Variants in GRHL1 observed in about 807,000 individuals in gnomAD.
GRHL1 encodes the protein grainyhead-like protein 1 homolog.
Under a neutral mutation model 75.7 loss-of-function variants are expected in GRHL1, and 38 were observed. The ratio of observed to expected loss-of-function variants is 0.50; its 90% confidence interval spans 0.39 to 0.66. The LOEUF (loss-of-function observed/expected upper bound fraction) is 0.66. Among genes scored for constraint, GRHL1 ranks in the 30% least tolerant of loss-of-function variants. GRHL1 has a pLI of 0.00. For missense variants in GRHL1, 589 were observed against 767.5 expected (o/e 0.77, Z 2.75); for synonymous variants, 266 against 279.4 (o/e 0.95, Z 0.48).
At chr2:9,989,939 A>G (rs1549753) in intron 9 of GRHL1, among the ~76,000 whole-genome samples, 40,028 of 151,964 alleles carry the variant, frequency 0.26, 5,625 homozygotes, top group Admixed American at 0.34. Flanking sequence ...CATGGTTGAT[A>G]CCAGGCCCTT....
intron 3 of GRHL1, 49 bp downstream of exon 3, chr2:9,958,905 G>A (rs768274065): frequency 1.6e-5 from 26 of 1,598,406 alleles, no homozygotes; most frequent in South Asian, 1.2e-4. Context: ...GAAATGCCAC[G>A]TTTCTGTAAC....
intron 2 of GRHL1, 96 bp from the exon 3 acceptor site, chr2:9,958,690 A>G: frequency 1.1e-6 from 1 of 890,096 alleles, no homozygotes; most frequent in South Asian, 1.5e-5. Flanking sequence ...AGATAAATGA[A>G]TGATTGAATT....
rs931294925 is a variant in GRHL1 at position 10,002,118 on chromosome 2, G to A, written c.*1411G>A. ...GTTAAAGTATTCTAATGAAGTATGG[G>A]AACTAAATTGCTGGTTTTCTAAGAT... On this transcript the variant is annotated 3_prime_UTR_variant, in exon 16 of 16. Coordinates refer to ENST00000324907, the MANE Select transcript of GRHL1 (RefSeq NM_198182.3). 2.0e-5 allele frequency: 3 copies of A among 152,618 alleles called. No individual in the cohort carries two copies. The highest frequency in any genetic ancestry group is 4.4e-5 in the Non-Finnish European group (3 of 68,032). 9.5% of individuals were successfully genotyped at this position (152,618 alleles called of 1,614,324 possible). A position where few individuals can be genotyped will look rare whatever the true frequency, so the allele number is the denominator to read the frequency against.
intron 2 of GRHL1, among the ~76,000 whole-genome samples, chr2:9,957,598 A>T (rs1667089500): frequency 6.6e-6 from 1 of 151,702 alleles, no homozygotes; most frequent in South Asian, 2.1e-4. Flanking sequence ...TTTAGTAGAG[A>T]CGGGGTTTTA....
chr2:9,958,166 C>A lies in GRHL1; in HGVS notation c.208-620C>A, dbSNP rs912349353. ...GAGTAAAACCAGGGCAGAGGTATTT[C>A]TTTTTTTCTTTTTTTTTTTTTTTTT... On this transcript the variant is annotated intron_variant, in intron 2 of 15. Coordinates refer to ENST00000324907, the MANE Select transcript of GRHL1 (RefSeq NM_198182.3). Among the ~76,000 whole-genome samples, 11 of 136,368 alleles carry A rather than the reference C, an allele frequency of 8.1e-5. No homozygotes were observed. In the East Asian group the frequency reaches 2.0e-3, roughly 25 times the overall value. The allele number at this position is 136,368 out of a possible 152,430, so 89.5% of individuals were successfully genotyped here. A position where few individuals can be genotyped will look rare whatever the true frequency, so the allele number is the denominator to read the frequency against.
In GRHL1 at chr2:9,962,508, C is replaced by T; in HGVS notation, c.723C>T (p.Asp241=). Residue 241 remains aspartate, a synonymous_variant, in exon 5 of 16, where the codon GAC becomes GAT. Transcript: ENST00000324907. The part of the protein sequence containing the change: ...SLRMPGMNSE[D]YVFDSVSGNN... The stretch of plus-strand genomic sequence containing the variant: ...GGATGCCTGGCATGAATTCAGAGGA[C>T]TATGTTTTTGACAGTGTTTCTGGGT... 6.3e-7 allele frequency: 1 copy of T among 1,594,098 alleles called. No homozygotes were observed. The highest frequency in any genetic ancestry group is 8.6e-7 in the Non-Finnish European group (1 of 1,161,724).
chr2:9,979,421 TAGAG>T (rs975906797), intron 8 of GRHL1, among the ~76,000 whole-genome samples: 5 of 152,040 alleles, frequency 3.3e-5, no homozygotes, highest in Non-Finnish European at 7.4e-5. Flanking sequence ...TTTTCTGTTT[TAGAG>T]ACAGGGTCTC....
chr2:9,988,745 C>G (rs968555280), intron 9 of GRHL1, among the ~76,000 whole-genome samples: 4 of 152,172 alleles, frequency 2.6e-5, no homozygotes, highest in Non-Finnish European at 5.9e-5. Context: ...CCAGGGATCA[C>G]TGTTCTTTAG....
At chr2:9,998,631 C>CAT (rs1218314166) in intron 14 of GRHL1, among the ~76,000 whole-genome samples, 5 of 35,824 alleles carry the variant, frequency 1.4e-4, no homozygotes, top group Admixed American at 3.5e-4. Flanking sequence ...TACACATATA[C>CAT]ATATATATGT....
chr2:9,991,706 A>G (rs1164195985), intron 10 of GRHL1, among the ~76,000 whole-genome samples: 4 of 152,238 alleles, frequency 2.6e-5, no homozygotes, highest in East Asian at 1.9e-4. Flanking sequence ...AGCCTTTCCA[A>G]TGAAAACTAA....
intron 14 of GRHL1, among the ~76,000 whole-genome samples, chr2:9,998,479 T>C (rs539902477): frequency 0.015 from 477 of 31,858 alleles, 21 homozygotes; most frequent in Non-Finnish European, 0.021. Flanking sequence ...CGTATATATA[T>C]ACATATATAT....
intron 8 of GRHL1, among the ~76,000 whole-genome samples, chr2:9,969,891 G>A (rs1667651791): frequency 7.0e-6 from 1 of 143,504 alleles, no homozygotes; most frequent in East Asian, 2.0e-4. Context: ...CGCCCAGGCT[G>A]GACTGCAGTG....
intron 8 of GRHL1, among the ~76,000 whole-genome samples, chr2:9,983,789 TA>T (rs1558308793): frequency 6.6e-6 from 1 of 151,300 alleles, no homozygotes; most frequent in Non-Finnish European, 1.5e-5. Flanking sequence ...TTTTTTTTTT[TA>T]AACCTGAATG....
intron 3 of GRHL1, 75 bp from the exon 4 acceptor site, chr2:9,960,971 A>G (rs1419593090): frequency 3.4e-6 from 4 of 1,180,236 alleles, no homozygotes; most frequent in South Asian, 3.1e-5. Context: ...CAACAGCCCA[A>G]TGCCATTAGG....
At position 9,951,813 on chromosome 2, in the gene GRHL1, C is replaced by T. The variant is rs1341010784; in HGVS notation, c.-21C>T. 3 of 1,528,134 alleles carry T rather than the reference C, an allele frequency of 2.0e-6. No individual in the cohort carries two copies. The highest frequency in any genetic ancestry group is 1.4e-5 in the African/African-American group (1 of 69,456). The allele number at this position is 1,528,134 out of a possible 1,614,324, so 94.7% of individuals were successfully genotyped here. On this transcript the variant is annotated 5_prime_UTR_variant, in exon 1 of 16. Transcript: ENST00000324907. This position sits in a 1 kb window ranked among gnomAD's most constrained non-coding sequence, Gnocchi z 4.2. ...AACCCGAAAGTCCAGTTCTGCGGCC[C>T]GGCAGCGGCGAGCGGGCGCGATGAC... is the stretch of plus-strand genomic sequence containing the variant.
intron 12 of GRHL1, among the ~76,000 whole-genome samples, chr2:9,994,873 C>T (rs1044449711): frequency 6.6e-6 from 1 of 152,192 alleles, no homozygotes; most frequent in Non-Finnish European, 1.5e-5. Flanking sequence ...GGTCTGTTCT[C>T]ACCTTTTGGC....
chr2:9,981,828 C>T (rs72784441), intron 8 of GRHL1, among the ~76,000 whole-genome samples: 24,779 of 152,258 alleles, frequency 0.16, 2,128 homozygotes, highest in Middle Eastern at 0.19. Context: ...AAGACAGGGT[C>T]TTCTCAAGGA....
In GRHL1 at chr2:9,988,006, A is replaced by G. The variant is rs982365372; in HGVS notation, c.1269+1724A>G. On this transcript the variant is annotated intron_variant, in intron 9 of 15. Transcript: ENST00000324907. Reference sequence around the variant, plus strand: ...CCTGGTCTGTCACCCTGGCTTTTGCATCAGGTACACAAAGCACAGTGGCTG... The same window carrying G: ...CCTGGTCTGTCACCCTGGCTTTTGCGTCAGGTACACAAAGCACAGTGGCTG... Among the ~76,000 whole-genome samples the G allele has an allele frequency of 3.3e-5, 5 of 152,212 alleles. No homozygotes were observed. In the East Asian group the frequency reaches 9.6e-4, roughly 29 times the overall value.
At position 9,953,982 on chromosome 2, in the gene GRHL1, G is replaced by A. The variant is rs532864490; in HGVS notation, c.21-933G>A. Reference sequence around the variant, plus strand: ...ATTGACTTATTAAATAGTACCAACCGAACAGTTGTTGAGACTGTTTACATT... The same window carrying A: ...ATTGACTTATTAAATAGTACCAACCAAACAGTTGTTGAGACTGTTTACATT... On this transcript the variant is annotated intron_variant, in intron 1 of 15. Coordinates refer to ENST00000324907, the MANE Select transcript of GRHL1 (RefSeq NM_198182.3). Among the ~76,000 whole-genome samples the A allele has an allele frequency of 5.3e-5, 8 of 152,190 alleles. No homozygotes were observed. The South Asian group carries it at 1.7e-3, about 32-fold the overall frequency.
Sources: allele counts gnomAD v4.1 joint callset (sites outside exome capture counted in the v4.1 genomes callset), GRCh38; gene constraint gnomAD v4.1.1; non-coding constraint Gnocchi (gnomAD v3.1); transcripts MANE v1.5; gene names NCBI Gene and HGNC (gene_info 2026-07-23, HGNC 2026-07-21).